Variants in DAB1 observed in about 807,000 individuals in gnomAD.
DAB1 encodes disabled homolog 1.
Under a neutral mutation model 64.6 loss-of-function variants are expected in DAB1, and 15 were observed. That is an observed-to-expected ratio of 0.23 (90% CI 0.16 to 0.36). The LOEUF (loss-of-function observed/expected upper bound fraction) is 0.36, where lower values mean the gene tolerates loss of function less well. Ranked by LOEUF, DAB1 falls within the 10% of genes least tolerant of loss-of-function variation. DAB1 has a pLI of 1.00. For synonymous variants in DAB1, 235 were observed against 251.9 expected (o/e 0.93, Z 0.64); for missense variants, 596 against 706.7 (o/e 0.84, Z 1.78).
intron 5 of DAB1, among the ~76,000 whole-genome samples, chr1:58,038,332 T>G (rs1026613169): frequency 6.6e-5 from 10 of 152,154 alleles, no homozygotes; most frequent in African/African-American, 2.4e-4. Flanking sequence ...GAATTCAGCT[T>G]GACTCTTTGG....
At chr1:57,924,093 G>A (rs1300940342) in intron 5 of DAB1, among the ~76,000 whole-genome samples, 8 of 152,148 alleles carry the variant, frequency 5.3e-5, no homozygotes, top group Admixed American at 5.2e-4. Flanking sequence ...CCTTTGTATA[G>A]CACTTTGACT....
intron 4 of DAB1, among the ~76,000 whole-genome samples, chr1:58,175,171 C>T (rs1656398296): frequency 1.3e-5 from 2 of 152,190 alleles, no homozygotes; most frequent in African/African-American, 4.8e-5. Flanking sequence ...ACACTCACCA[C>T]GAGGGTCTGC....
At chr1:57,432,405 C>T (rs147793603) in intron 7 of DAB1, among the ~76,000 whole-genome samples, 129 of 152,108 alleles carry the variant, frequency 8.5e-4, no homozygotes, top group African/African-American at 3.0e-3. Context: ...CAGTGCAACA[C>T]ACTTCTTAAC....
In DAB1 at chr1:57,675,798, G is replaced by A. The variant is rs1004697702; in HGVS notation, n.552-26133C>T. ...TTAAACAGGCATTTGTGCTTCAGTG[G>A]TCAAGCCCATCAGCACAATTAATTC... On this transcript the variant is annotated intron_variant and non_coding_transcript_variant, in intron 6 of 20. Coordinates refer to the DAB1 transcript ENST00000485760. Among the ~76,000 whole-genome samples, 4 of 152,228 alleles carry A rather than the reference G, an allele frequency of 2.6e-5. No individual in the cohort carries two copies. In the East Asian group the frequency reaches 7.7e-4, roughly 29 times the overall value.
upstream of DAB1, among the ~76,000 whole-genome samples, chr1:57,427,384 A>G (rs1685331415): frequency 6.6e-6 from 1 of 152,254 alleles, no homozygotes; most frequent in South Asian, 2.1e-4. Context: ...AGACACAGGC[A>G]TGAGCAGCCT....
chr1:57,756,124 G>C (rs1246873734), intron 6 of DAB1, among the ~76,000 whole-genome samples: 1 of 152,142 alleles, frequency 6.6e-6, no homozygotes, highest in Non-Finnish European at 1.5e-5. Flanking sequence ...CCGAAAACTG[G>C]GTCATCTCCC....
intron 3 of DAB1, among the ~76,000 whole-genome samples, chr1:58,478,797 G>GC (rs1253040008): frequency 2.0e-5 from 3 of 152,104 alleles, no homozygotes; most frequent in Non-Finnish European, 4.4e-5. Context: ...GGATTTATTA[G>GC]CATCATGCTC....
intron 6 of DAB1, among the ~76,000 whole-genome samples, chr1:57,720,655 A>G (rs1344449039): frequency 1.3e-5 from 2 of 152,222 alleles, no homozygotes; most frequent in African/African-American, 4.8e-5. Context: ...GTGAGGCATA[A>G]GATAATATCA....
At chr1:57,531,453 T>G (rs919843285) in intron 7 of DAB1, among the ~76,000 whole-genome samples, 2 of 152,188 alleles carry the variant, frequency 1.3e-5, no homozygotes, top group African/African-American at 2.4e-5. Flanking sequence ...AAAGCCTGTT[T>G]GGTGGTCTCT....
In DAB1 at chr1:57,293,190, A is replaced by G. The variant is rs557977111; in HGVS notation, c.-136-2024T>C. On this transcript the variant is annotated intron_variant, in intron 1 of 14. Transcript: ENST00000371236. ...CTTCCCAGTTTTTCCTTGTGCTGCTATCTTTCTATGGAATCTCTTGTCTCA... is the reference window on the plus strand; with the variant it reads ...CTTCCCAGTTTTTCCTTGTGCTGCTGTCTTTCTATGGAATCTCTTGTCTCA... 5.3e-5 allele frequency among the ~76,000 whole-genome samples: 8 copies of G among 152,154 alleles called. No individual in the cohort carries two copies. The East Asian group carries it at 5.9e-4, about 11-fold the overall frequency.
intron 5 of DAB1, among the ~76,000 whole-genome samples, chr1:58,028,320 C>T (rs961995015): frequency 6.6e-6 from 1 of 152,188 alleles, no homozygotes; most frequent in Non-Finnish European, 1.5e-5. Context: ...AGACATCTTA[C>T]TTCATATATT....
rs563026321 is a variant in DAB1 at position 58,046,209 on chromosome 1, T to C, written n.387+104302A>G. The stretch of plus-strand genomic sequence containing the variant: ...TTAAGTAAGTTTTCCATTTTGATAC[T>C]GAAGAAAAGCCTGGGAATTCTGGAT... On this transcript the variant is annotated intron_variant and non_coding_transcript_variant, in intron 5 of 20. Transcript: ENST00000485760. Among the ~76,000 whole-genome samples the C allele has an allele frequency of 7.2e-5, 11 of 152,310 alleles. No homozygotes were observed. The South Asian group carries it at 2.3e-3, about 32-fold the overall frequency.
chr1:58,358,798 A>G (rs1644134667), intron 3 of DAB1, among the ~76,000 whole-genome samples: 1 of 151,926 alleles, frequency 6.6e-6, no homozygotes, highest in South Asian at 2.1e-4. Flanking sequence ...ATAATGTGCT[A>G]TGTCTCCTTT....
At chr1:58,292,635 A>G (rs1326115912) in intron 4 of DAB1, among the ~76,000 whole-genome samples, 4 of 152,088 alleles carry the variant, frequency 2.6e-5, no homozygotes, top group Non-Finnish European at 5.9e-5. Flanking sequence ...GAGCAGGTGC[A>G]TTTTCAGGGT....
chr1:57,344,943 C>T (rs1054525806), intron 1 of DAB1, among the ~76,000 whole-genome samples: 7 of 152,256 alleles, frequency 4.6e-5, no homozygotes, highest in African/African-American at 1.7e-4. Context: ...AGAAGCCAGT[C>T]AACATTGCTG....
intron 7 of DAB1, among the ~76,000 whole-genome samples, chr1:57,642,415 C>G (rs576962408): frequency 2.1e-4 from 32 of 152,234 alleles, no homozygotes; most frequent in Admixed American, 6.5e-4. Context: ...TGCCCTGGAG[C>G]ACCTCATTAC....
chr1:57,627,503 T>C (rs1299328984), intron 7 of DAB1, among the ~76,000 whole-genome samples: 1 of 152,248 alleles, frequency 6.6e-6, no homozygotes, highest in African/African-American at 2.4e-5. Context: ...TATTATCCAT[T>C]ACAACTTTTG....
intron 4 of DAB1, among the ~76,000 whole-genome samples, chr1:58,250,219 G>A (rs1343617696): frequency 3.9e-5 from 6 of 152,308 alleles, no homozygotes; most frequent in Admixed American, 6.5e-5. Flanking sequence ...CGCGGCGGGC[G>A]GGCGCAACAT....
chr1:57,412,792 G>A (rs2101062720), intron 1 of DAB1, among the ~76,000 whole-genome samples: 1 of 152,328 alleles, frequency 6.6e-6, no homozygotes, highest in Middle Eastern at 3.4e-3. Flanking sequence ...GAAAGTGCAA[G>A]GTGAAGCAGT....
Sources: allele counts gnomAD v4.1 joint callset (sites outside exome capture counted in the v4.1 genomes callset), GRCh38; gene constraint gnomAD v4.1.1; transcripts MANE v1.5; gene names NCBI Gene and HGNC (gene_info 2026-07-23, HGNC 2026-07-21).